Variants in WWTR1 observed in about 807,000 individuals in gnomAD.
WWTR1 encodes WW domain-containing transcription regulator protein 1.
In WWTR1, 13 loss-of-function variants were observed where a neutral mutation model predicts 40.1. That is an observed-to-expected ratio of 0.32 (90% CI 0.21 to 0.52). The LOEUF (loss-of-function observed/expected upper bound fraction) is 0.52. Ranked by LOEUF, WWTR1 falls within the 20% of genes least tolerant of loss-of-function variation. WWTR1 has a pLI of 0.97. For synonymous variants in WWTR1, 230 were observed against 210.1 expected, an observed-to-expected ratio of 1.09 and a Z score of -0.82; for missense variants, 436 against 523.1, an observed-to-expected ratio of 0.83 and a Z score of 1.63.
upstream of WWTR1, chr3:149,658,537 G>T (rs976014759): frequency 9.8e-5 from 15 of 152,334 alleles, no homozygotes; most frequent in African/African-American, 3.4e-4. Flanking sequence ...GTGCGCCCCG[G>T]CGCGGGGAGA....
intron 2 of WWTR1, among the ~76,000 whole-genome samples, chr3:149,651,020 T>A (rs529962184): frequency 2.3e-4 from 35 of 152,336 alleles, no homozygotes; most frequent in African/African-American, 8.4e-4. Flanking sequence ...AACTAACTTG[T>A]ACTGAACATC....
intron 2 of WWTR1, among the ~76,000 whole-genome samples, chr3:149,601,089 T>C (rs1054664818): frequency 2.6e-5 from 4 of 152,362 alleles, no homozygotes; most frequent in African/African-American, 9.6e-5. Flanking sequence ...GTACATTATC[T>C]TAGCAAAACA....
At chr3:149,594,664 A>G (rs1487649466) in intron 2 of WWTR1, among the ~76,000 whole-genome samples, 2 of 152,034 alleles carry the variant, frequency 1.3e-5, no homozygotes. Context: ...CATAATTATT[A>G]CTAAATGCAA....
At chr3:149,578,367 A>C (rs1305146811) in intron 2 of WWTR1, among the ~76,000 whole-genome samples, 1 of 152,138 alleles carries the variant, frequency 6.6e-6, no homozygotes, top group African/African-American at 2.4e-5. Flanking sequence ...TGGGAATATT[A>C]TGACCACCAA....
intron 1 of WWTR1, among the ~76,000 whole-genome samples, chr3:149,680,110 G>T (rs961380129): frequency 6.6e-6 from 1 of 152,198 alleles, no homozygotes; most frequent in Non-Finnish European, 1.5e-5. Context: ...GTCCAAGAGA[G>T]GTACTTTTGA....
intron 2 of WWTR1, among the ~76,000 whole-genome samples, chr3:149,598,117 C>T (rs1739085033): frequency 6.6e-6 from 1 of 152,062 alleles, no homozygotes; most frequent in Non-Finnish European, 1.5e-5. Context: ...GGTGTTTGAC[C>T]TACAATGTAC....
intron 1 of WWTR1, among the ~76,000 whole-genome samples, chr3:149,689,979 C>G (rs57813747): frequency 1.3e-5 from 2 of 151,958 alleles, no homozygotes; most frequent in African/African-American, 2.4e-5. Flanking sequence ...GAGGCAGGGA[C>G]GAAGTAAAAG....
chr3:149,584,441 A>G (rs1560072000), intron 2 of WWTR1, among the ~76,000 whole-genome samples: 1 of 152,312 alleles, frequency 6.6e-6, no homozygotes, highest in East Asian at 1.9e-4. Flanking sequence ...GGCATGACAC[A>G]ACTTGAACTG....
At chr3:149,696,559 A>G (rs1410655241) in intron 1 of WWTR1, among the ~76,000 whole-genome samples, 1 of 152,216 alleles carries the variant, frequency 6.6e-6, no homozygotes, top group East Asian at 1.9e-4. Flanking sequence ...TCAATGTCCA[A>G]TGGTTCTGCT....
Position 149,713,077 on chromosome 3 carries a change from G to A in WWTR1, n.584+4365C>T, listed in dbSNP as rs138161622. On this transcript the variant is annotated intron_variant and non_coding_transcript_variant, in intron 5 of 6. Coordinates refer to the WWTR1 transcript ENST00000474080. ...CGTATGAGAGTGACTATCCTGGTTAGCAGGGAATGTAGGTGGAGAGAAAAG... is the reference window on the plus strand; with the variant it reads ...CGTATGAGAGTGACTATCCTGGTTAACAGGGAATGTAGGTGGAGAGAAAAG... Among the ~76,000 whole-genome samples the A allele has an allele frequency of 1.4e-3, 220 of 152,278 alleles. 1 individual carries two copies. The East Asian group carries it at 0.042, about 29-fold the overall frequency.
intron 2 of WWTR1, among the ~76,000 whole-genome samples, chr3:149,577,755 AGGTAAATTGTGTGTTT>A (rs1737953661): frequency 6.6e-6 from 1 of 152,162 alleles, no homozygotes; most frequent in Admixed American, 6.5e-5. Flanking sequence ...TTTATTTAAC[AGGTAAATTGTGTGTTT>A]GGGGTTAAAA....
intron 3 of WWTR1, among the ~76,000 whole-genome samples, chr3:149,553,902 A>G (rs1736716965): frequency 6.6e-6 from 1 of 152,140 alleles, no homozygotes; most frequent in Non-Finnish European, 1.5e-5. Context: ...ACCCAGCCAC[A>G]ATCCAGCCTT....
intron 2 of WWTR1, among the ~76,000 whole-genome samples, chr3:149,653,094 G>T (rs1255586956): frequency 6.6e-6 from 1 of 152,360 alleles, no homozygotes; most frequent in East Asian, 1.9e-4. Context: ...TTGTATTTAA[G>T]AGGAGGATAA....
At chr3:149,577,864 G>A (rs1407122296) in intron 2 of WWTR1, among the ~76,000 whole-genome samples, 1 of 151,984 alleles carries the variant, frequency 6.6e-6, no homozygotes, top group African/African-American at 2.4e-5. Context: ...CTGCGGAGGG[G>A]GTGTTAACTT....
chr3:149,600,750 T>C (rs1739204730), intron 2 of WWTR1, among the ~76,000 whole-genome samples: 1 of 152,210 alleles, frequency 6.6e-6, no homozygotes, highest in Non-Finnish European at 1.5e-5. Context: ...CAATAGAATA[T>C]GGTAAATATG....
intron 2 of WWTR1, among the ~76,000 whole-genome samples, chr3:149,669,390 A>G (rs986029550): frequency 4.3e-4 from 65 of 152,314 alleles, no homozygotes; most frequent in Non-Finnish European, 4.3e-4. Context: ...TCTTTCTGTT[A>G]TCACATACCC....
intron 2 of WWTR1, among the ~76,000 whole-genome samples, chr3:149,603,259 T>G (rs1358085669): frequency 6.6e-6 from 1 of 152,072 alleles, no homozygotes; most frequent in Non-Finnish European, 1.5e-5. Context: ...GGAACCAGAT[T>G]CTATGAAATA....
intron 2 of WWTR1, among the ~76,000 whole-genome samples, chr3:149,636,365 A>G (rs1711814840): frequency 6.6e-6 from 1 of 152,218 alleles, no homozygotes. Flanking sequence ...GGGAAAGGTT[A>G]CGATCTTAGG....
intron 2 of WWTR1, among the ~76,000 whole-genome samples, chr3:149,640,010 A>AG (rs1553802829): frequency 3.2e-4 from 45 of 140,404 alleles, no homozygotes; most frequent in Non-Finnish European, 4.5e-4. Context: ...AAAAAAAAAA[A>AG]AAAGAAAGAA....
Sources: gnomAD v4.1 joint callset for allele counts (sites outside exome capture counted in the v4.1 genomes callset) on GRCh38, gnomAD v4.1.1 for gene constraint, MANE v1.5 for transcripts, NCBI Gene and HGNC (gene_info 2026-07-23, HGNC 2026-07-21) for gene names.